The following RBFOX1 variants were observed in gnomAD, a reference collection of about 807,000 sequenced individuals.
RBFOX1 encodes the protein RNA binding protein fox-1 homolog 1.
In RBFOX1, 8 loss-of-function variants were observed where a neutral mutation model predicts 57.7. The observed-to-expected ratio is 0.14, with a 90% CI of 0.08 to 0.25. RBFOX1 has a LOEUF of 0.25. Ranked by LOEUF, RBFOX1 falls within the 10% of genes least tolerant of loss-of-function variation. The probability of loss-of-function intolerance (pLI) is 1.00; values close to 1 mark genes in which losing one functional copy is unlikely to be tolerated. For synonymous variants in RBFOX1, 326 were observed against 222.4 expected (o/e 1.47, Z -4.15); for missense variants, 611 against 548.5 (o/e 1.11, Z -1.14).
chr16:5,688,640 G>A (rs2050575621), intron 3 of RBFOX1, among the ~76,000 whole-genome samples: 1 of 152,176 alleles, frequency 6.6e-6, no homozygotes, highest in Admixed American at 6.5e-5. Context: ...CCTGAACTGG[G>A]TTACATTAAA....
chr16:7,513,656 T>C (rs573289472), intron 4 of RBFOX1, among the ~76,000 whole-genome samples: 10 of 152,282 alleles, frequency 6.6e-5, no homozygotes, highest in African/African-American at 1.4e-4. Context: ...TTGCCTAATG[T>C]CCTGTGGGGA....
At chr16:7,594,548 A>G (rs1261922502) in intron 7 of RBFOX1, among the ~76,000 whole-genome samples, 1 of 152,216 alleles carries the variant, frequency 6.6e-6, no homozygotes, top group Non-Finnish European at 1.5e-5. Context: ...AAGACAAAAT[A>G]CGGATTTTGA....
intron 2 of RBFOX1, among the ~76,000 whole-genome samples, chr16:6,583,358 G>C (rs1269014902): frequency 6.6e-6 from 1 of 152,142 alleles, no homozygotes; most frequent in Non-Finnish European, 1.5e-5. Flanking sequence ...AGAGCAATGG[G>C]CCTGCTGATG....
At chr16:6,426,292 AAGAAGGGAGAGAGAGAAGGG>A (rs2093926308) in intron 2 of RBFOX1, among the ~76,000 whole-genome samples, 1 of 152,094 alleles carries the variant, frequency 6.6e-6, no homozygotes, top group South Asian at 2.1e-4. Flanking sequence ...GAGAAGGGTG[AAGAAGGGAGAGAGAGAAGGG>A]AGAAGGGAGA....
At chr16:5,917,218 C>T (rs1698313732) in intron 4 of RBFOX1, among the ~76,000 whole-genome samples, 1 of 152,148 alleles carries the variant, frequency 6.6e-6, no homozygotes, top group Non-Finnish European at 1.5e-5. Flanking sequence ...ATCCACACCC[C>T]AGAGGAGAGA....
At chr16:7,420,888 T>TATATATACACAC (rs2098534761) in intron 4 of RBFOX1, among the ~76,000 whole-genome samples, 6 of 147,548 alleles carry the variant, frequency 4.1e-5, no homozygotes, top group South Asian at 2.1e-4. Flanking sequence ...TTAAAATATA[T>TATATATACACAC]ATATATATAC....
chr16:6,865,010 T>TTTG (rs1419084976), intron 3 of RBFOX1, among the ~76,000 whole-genome samples: 1 of 142,854 alleles, frequency 7.0e-6, no homozygotes, highest in African/African-American at 2.7e-5. Context: ...TTTTTTTTTT[T>TTTG]TTTTTTTTTG....
intron 3 of RBFOX1, among the ~76,000 whole-genome samples, chr16:6,668,651 A>G (rs2098746883): frequency 6.6e-6 from 1 of 152,150 alleles, no homozygotes; most frequent in Non-Finnish European, 1.5e-5. Context: ...TCATATAACT[A>G]GGGTTATGTT....
intron 1 of RBFOX1, among the ~76,000 whole-genome samples, chr16:5,435,751 A>G (rs2067897695): frequency 6.6e-6 from 1 of 152,208 alleles, no homozygotes. Flanking sequence ...GCAATTGCAT[A>G]ATTGCTTTAT....
intron 1 of RBFOX1, among the ~76,000 whole-genome samples, chr16:6,231,949 C>T (rs1598612119): frequency 6.7e-6 from 1 of 149,228 alleles, no homozygotes; most frequent in Middle Eastern, 3.6e-3. Context: ...TCAAAGGGAT[C>T]AAATAAAGCA....
chr16:6,364,319 C>G (rs575933516), intron 2 of RBFOX1, among the ~76,000 whole-genome samples: 1 of 152,264 alleles, frequency 6.6e-6, no homozygotes, highest in African/African-American at 2.4e-5. Context: ...TTTTATCTTG[C>G]ATTTTCCCTC....
chr16:5,272,488 C>G (rs181703986), intron 1 of RBFOX1, among the ~76,000 whole-genome samples: 11 of 152,320 alleles, frequency 7.2e-5, no homozygotes, highest in African/African-American at 2.2e-4. Context: ...CCTGAGATTT[C>G]TACTGAGATC....
At chr16:5,657,961 A>T (rs1159907865) in intron 3 of RBFOX1, among the ~76,000 whole-genome samples, 1 of 151,626 alleles carries the variant, frequency 6.6e-6, no homozygotes, top group Admixed American at 6.6e-5. Flanking sequence ...TGAACTCCTG[A>T]TTTCAGGTGA....
intron 1 of RBFOX1, among the ~76,000 whole-genome samples, chr16:6,109,144 C>T (rs969842656): frequency 6.6e-6 from 1 of 152,134 alleles, no homozygotes; most frequent in Non-Finnish European, 1.5e-5. Flanking sequence ...CTGTCAGTAT[C>T]AGTGGGGGCG....
chr16:6,545,390 C>T (rs911411074), intron 2 of RBFOX1, among the ~76,000 whole-genome samples: 20 of 152,174 alleles, frequency 1.3e-4, no homozygotes, highest in Non-Finnish European at 2.1e-4. Context: ...TTCTCTCCAA[C>T]CCCTCTCTCT....
chr16:5,706,738 G>T (rs1264174760), intron 3 of RBFOX1, among the ~76,000 whole-genome samples: 1 of 152,000 alleles, frequency 6.6e-6, no homozygotes, highest in African/African-American at 2.4e-5. Context: ...TCCTACGATG[G>T]TTGATGGTTG....
intron 1 of RBFOX1, among the ~76,000 whole-genome samples, chr16:6,070,266 C>A (rs532632019): frequency 2.6e-5 from 4 of 152,284 alleles, no homozygotes; most frequent in African/African-American, 9.6e-5. Context: ...TATCTAAATT[C>A]ATCCTAAAAA....
intron 3 of RBFOX1, among the ~76,000 whole-genome samples, chr16:6,810,662 C>A (rs1301885092): frequency 6.6e-6 from 1 of 152,034 alleles, no homozygotes; most frequent in African/African-American, 2.4e-5. Context: ...GACGCAGTTC[C>A]ACATGGCTGG....
chr16:6,759,507 GTGTGTGT>G (rs1168405235), intron 3 of RBFOX1, among the ~76,000 whole-genome samples: 8 of 139,816 alleles, frequency 5.7e-5, no homozygotes, highest in Admixed American at 5.1e-4. Context: ...GTGTGTGTGT[GTGTGTGT>G]GTGTGTGTAT....
Sources: allele counts gnomAD v4.1 joint callset (sites outside exome capture counted in the v4.1 genomes callset), GRCh38; gene constraint gnomAD v4.1.1; transcripts MANE v1.5; gene names NCBI Gene and HGNC (gene_info 2026-07-23, HGNC 2026-07-21).